Variants in COPG2 observed in about 807,000 individuals in gnomAD.
The protein encoded by COPG2 is coatomer subunit gamma-2.
A neutral mutation model predicts 46.3 loss-of-function variants in COPG2; 37 were observed. That is an observed-to-expected ratio of 0.80 (90% CI 0.61 to 1.05). The LOEUF is 1.05. Among genes scored for constraint, COPG2 ranks in the 50% least tolerant of loss-of-function variants. The pLI is 0.00. For synonymous variants in COPG2, 159 were observed against 129.7 expected (o/e 1.23, Z -1.53); for missense variants, 427 against 387.8 (o/e 1.10, Z -0.85).
intron 5 of COPG2, among the ~76,000 whole-genome samples, chr7:130,647,265 A>G (rs1563070377): frequency 6.6e-6 from 1 of 151,938 alleles, no homozygotes; most frequent in African/African-American, 2.4e-5. Context: ...CAAACTCCTG[A>G]CCTAAAGTGA....
intron 4 of COPG2, among the ~76,000 whole-genome samples, chr7:130,659,918 T>C (rs1795942130): frequency 6.6e-6 from 1 of 151,936 alleles, no homozygotes; most frequent in Non-Finnish European, 1.5e-5. Context: ...AACAACAACA[T>C]TGCAAAAGAA....
At chr7:130,533,850 G>C (rs1799852756) in intron 20 of COPG2, among the ~76,000 whole-genome samples, 1 of 152,076 alleles carries the variant, frequency 6.6e-6, no homozygotes, top group Non-Finnish European at 1.5e-5. Flanking sequence ...GCTGGTGAAA[G>C]GGTCCACACT....
intron 9 of COPG2, among the ~76,000 whole-genome samples, chr7:130,584,233 A>C (rs969274916): frequency 6.6e-6 from 1 of 152,068 alleles, no homozygotes; most frequent in Non-Finnish European, 1.5e-5. Context: ...CAATAGATGC[A>C]GAAAAAGCAT....
At chr7:130,509,202 G>A (rs781510584) in intron 20 of COPG2, 3 of 473,568 alleles carry the variant, frequency 6.3e-6, no homozygotes, top group African/African-American at 2.0e-5. Flanking sequence ...AAGTGAGTAG[G>A]TCAGTAATGA....
chr7:130,564,840 G>A lies in COPG2; in HGVS notation c.738-447C>T, dbSNP rs1793777168. ...GAACTGTCACTATGTGACCTGTCTGGTGCTCCTAGAAAAGCCCTATTCACA... is the reference window on the plus strand; with the variant it reads ...GAACTGTCACTATGTGACCTGTCTGATGCTCCTAGAAAAGCCCTATTCACA... On this transcript the variant is annotated intron_variant, in intron 9 of 23. Coordinates refer to ENST00000425248, the MANE Select transcript of COPG2 (RefSeq NM_012133.6). Among the ~76,000 whole-genome samples the A allele has an allele frequency of 3.9e-5, 6 of 152,240 alleles. No homozygotes were observed. The South Asian group carries it at 1.2e-3, about 32-fold the overall frequency.
At chr7:130,573,131 A>C (rs1793936989) in intron 9 of COPG2, among the ~76,000 whole-genome samples, 1 of 151,916 alleles carries the variant, frequency 6.6e-6, no homozygotes, top group East Asian at 1.9e-4. Flanking sequence ...ATTCCTAGAA[A>C]TACCAAACTA....
chr7:130,654,922 TTTTTA>T (rs1282263542), intron 4 of COPG2, among the ~76,000 whole-genome samples: 2 of 152,224 alleles, frequency 1.3e-5, no homozygotes, highest in Admixed American at 6.5e-5. Flanking sequence ...CTTTTCTTTT[TTTTTA>T]ATTTTTGGGA....
At chr7:130,532,702 C>T (rs1302718374) in intron 20 of COPG2, among the ~76,000 whole-genome samples, 5 of 152,046 alleles carry the variant, frequency 3.3e-5, no homozygotes, top group South Asian at 4.1e-4. Flanking sequence ...TGAAAGGTAT[C>T]GGGAAGGCTT....
chr7:130,561,955 A>G (rs888347700), intron 11 of COPG2, among the ~76,000 whole-genome samples: 2 of 152,230 alleles, frequency 1.3e-5, no homozygotes, highest in African/African-American at 2.4e-5. Context: ...GGGTTAGTAA[A>G]TAAGAGATAA....
At chr7:130,620,626 A>G (rs928320121) in intron 5 of COPG2, among the ~76,000 whole-genome samples, 21 of 152,194 alleles carry the variant, frequency 1.4e-4, no homozygotes, top group Non-Finnish European at 2.5e-4. Flanking sequence ...TTAGCAGCAC[A>G]TAACTTGTTT....
intron 5 of COPG2, 78 bp downstream of exon 5, chr7:130,652,791 T>C (rs1554459292): frequency 2.2e-6 from 2 of 898,322 alleles, no homozygotes; most frequent in African/African-American, 1.7e-5. Context: ...GGCTTTCTTA[T>C]GGTCAAAAAA....
intron 20 of COPG2, among the ~76,000 whole-genome samples, chr7:130,514,836 A>C (rs1799665840): frequency 6.6e-6 from 1 of 152,218 alleles, no homozygotes; most frequent in African/African-American, 2.4e-5. Flanking sequence ...AAGAAAGACC[A>C]CAGCGCCATA....
chr7:130,588,259 T>C (rs1157982542), intron 9 of COPG2, among the ~76,000 whole-genome samples: 1 of 151,776 alleles, frequency 6.6e-6, no homozygotes, highest in Non-Finnish European at 1.5e-5. Context: ...GGATCTAGAA[T>C]TAGAAATACC....
intron 6 of COPG2, 90 bp downstream of exon 6, chr7:130,616,900 G>A (rs1554452921): frequency 1.3e-6 from 1 of 771,716 alleles, no homozygotes; most frequent in Non-Finnish European, 2.1e-6. Context: ...AATTCACAAA[G>A]TCAGACTAGG....
At chr7:130,611,511 G>A (rs1188605536) in intron 8 of COPG2, among the ~76,000 whole-genome samples, 2 of 152,202 alleles carry the variant, frequency 1.3e-5, no homozygotes, top group Non-Finnish European at 2.9e-5. Context: ...CAGGCTACAA[G>A]AGTGTCATCA....
intron 5 of COPG2, among the ~76,000 whole-genome samples, chr7:130,624,708 C>G (rs1554454046): frequency 2.6e-5 from 4 of 152,174 alleles, no homozygotes; most frequent in African/African-American, 9.7e-5. Context: ...AGAATAATGG[C>G]CTCCAGTTCC....
At chr7:130,544,856 T>C (rs1793412970) in intron 20 of COPG2, among the ~76,000 whole-genome samples, 1 of 152,194 alleles carries the variant, frequency 6.6e-6, no homozygotes, top group African/African-American at 2.4e-5. Context: ...AGGATGTCCA[T>C]AGTCTTTCAA....
At chr7:130,635,794 T>C (rs1554456081) in intron 5 of COPG2, among the ~76,000 whole-genome samples, 1 of 152,242 alleles carries the variant, frequency 6.6e-6, no homozygotes, top group African/African-American at 2.4e-5. Flanking sequence ...AATTGTGATA[T>C]TGGGGTGTAG....
At chr7:130,654,022 C>T (rs1795801325) in intron 4 of COPG2, among the ~76,000 whole-genome samples, 1 of 151,916 alleles carries the variant, frequency 6.6e-6, no homozygotes, top group African/African-American at 2.4e-5. Flanking sequence ...AAAAAAATTT[C>T]ATTAAAACAC....
Sources: gnomAD v4.1 joint callset for allele counts (sites outside exome capture counted in the v4.1 genomes callset) on GRCh38, gnomAD v4.1.1 for gene constraint, MANE v1.5 for transcripts, NCBI Gene and HGNC (gene_info 2026-07-23, HGNC 2026-07-21) for gene names.